PDZRN3: variants seen among roughly 807,000 people sequenced by gnomAD.
PDZRN3 encodes the protein E3 ubiquitin-protein ligase PDZRN3.
In PDZRN3, 38 loss-of-function variants were observed where a neutral mutation model predicts 85.7. The observed-to-expected ratio is 0.44, with a 90% CI of 0.34 to 0.58. PDZRN3 has a LOEUF of 0.58. Among genes scored for constraint, PDZRN3 ranks in the 20% least tolerant of loss-of-function variants. PDZRN3 has a pLI of 0.01. For synonymous variants in PDZRN3, 759 were observed against 638.0 expected (o/e 1.19, Z -2.86); for missense variants, 1,629 against 1,506.4 (o/e 1.08, Z -1.35).
intron 3 of PDZRN3, among the ~76,000 whole-genome samples, chr3:73,440,582 C>A (rs527460914): frequency 6.6e-6 from 1 of 152,194 alleles, no homozygotes; most frequent in African/African-American, 2.4e-5. Flanking sequence ...CCGACACTGG[C>A]GACAAATGGG....
At chr3:73,418,865 C>A (rs956406261) in intron 3 of PDZRN3, among the ~76,000 whole-genome samples, 9 of 152,182 alleles carry the variant, frequency 5.9e-5, no homozygotes, top group African/African-American at 2.2e-4. Context: ...GACAGAATAA[C>A]CCTGGGTATA....
chr3:73,474,576 T>A (rs1168207814), intron 3 of PDZRN3: 1 of 1,282,248 alleles, frequency 7.8e-7, no homozygotes, highest in South Asian at 1.3e-5. Flanking sequence ...AGCCTGCAGG[T>A]CCGCAGTTTC....
intron 2 of PDZRN3, among the ~76,000 whole-genome samples, chr3:73,606,451 C>T (rs1205283099): frequency 1.3e-5 from 2 of 152,104 alleles, no homozygotes; most frequent in African/African-American, 2.4e-5. Flanking sequence ...TCAGTCCCTC[C>T]GAAGGCTGGA....
intron 3 of PDZRN3, among the ~76,000 whole-genome samples, chr3:73,534,178 A>G (rs1704724769): frequency 6.6e-6 from 1 of 152,196 alleles, no homozygotes; most frequent in Non-Finnish European, 1.5e-5. Context: ...CACACCCACT[A>G]GAAGGTAAAT....
At chr3:73,511,472 T>G (rs1704163740) in intron 3 of PDZRN3, among the ~76,000 whole-genome samples, 1 of 152,212 alleles carries the variant, frequency 6.6e-6, no homozygotes. Flanking sequence ...CACATGTGGT[T>G]TTGCTTGTGC....
chr3:73,416,873 TTGG>T (rs1297200604), intron 3 of PDZRN3, among the ~76,000 whole-genome samples: 1,489 of 74,594 alleles, frequency 0.02, 24 homozygotes, highest in African/African-American at 0.068. Context: ...TTGTTTTTTT[TTGG>T]TTTTTTTTTT....
chr3:73,560,663 T>C (rs557952461), intron 3 of PDZRN3, among the ~76,000 whole-genome samples: 1 of 152,330 alleles, frequency 6.6e-6, no homozygotes, highest in South Asian at 2.1e-4. Context: ...CCCATATTCA[T>C]GGGATGGAAA....
intron 3 of PDZRN3, among the ~76,000 whole-genome samples, chr3:73,525,308 T>C (rs1016138426): frequency 2.0e-5 from 3 of 152,186 alleles, no homozygotes; most frequent in South Asian, 2.1e-4. Context: ...TGTGTGTATA[T>C]ATATGCAGAG....
At chr3:73,427,598 C>T (rs532968486) in intron 3 of PDZRN3, among the ~76,000 whole-genome samples, 1 of 152,330 alleles carries the variant, frequency 6.6e-6, no homozygotes, top group South Asian at 2.1e-4. Context: ...GCTGTCTTCT[C>T]CCTTGTGACC....
chr3:73,574,713 C>T (rs1466124886), intron 3 of PDZRN3, among the ~76,000 whole-genome samples: 5 of 152,232 alleles, frequency 3.3e-5, no homozygotes, highest in Non-Finnish European at 7.3e-5. Context: ...CCCGCCTTGG[C>T]CTCCCAAAGG....
At chr3:73,421,936 C>T (rs1009711333) in intron 3 of PDZRN3, among the ~76,000 whole-genome samples, 8 of 152,196 alleles carry the variant, frequency 5.3e-5, no homozygotes, top group African/African-American at 9.6e-5. Flanking sequence ...CGTGAGCCAC[C>T]GTGCCTGGTC....
At chr3:73,429,830 A>T (rs1702394409) in intron 3 of PDZRN3, among the ~76,000 whole-genome samples, 2 of 152,030 alleles carry the variant, frequency 1.3e-5, no homozygotes, top group Admixed American at 1.3e-4. Context: ...GCCAGTGGGA[A>T]CTCTGTGTTA....
chr3:73,593,603 T>A (rs538998907), intron 3 of PDZRN3, among the ~76,000 whole-genome samples: 64 of 152,206 alleles, frequency 4.2e-4, no homozygotes, highest in African/African-American at 1.5e-3. Context: ...GTTAAGTGAC[T>A]TTTAAAAGGA....
chr3:73,398,701 C>T (rs188151193), intron 5 of PDZRN3, among the ~76,000 whole-genome samples: 1 of 152,296 alleles, frequency 6.6e-6, no homozygotes. Context: ...TAGCTAATCT[C>T]CTTAGAGAAA....
chr3:73,395,950 C>T (rs888899653), intron 5 of PDZRN3, among the ~76,000 whole-genome samples: 1 of 152,180 alleles, frequency 6.6e-6, no homozygotes, highest in African/African-American at 2.4e-5. Context: ...GGGCCGGGTG[C>T]AGTGGCTCAT....
At chr3:73,613,638 GA>G (rs986563376) in intron 1 of PDZRN3, among the ~76,000 whole-genome samples, 1 of 152,082 alleles carries the variant, frequency 6.6e-6, no homozygotes, top group African/African-American at 2.4e-5. Context: ...AGCTTTCACA[GA>G]GTTGCCTTCT....
intron 3 of PDZRN3, among the ~76,000 whole-genome samples, chr3:73,561,199 G>A (rs1194811037): frequency 6.6e-6 from 1 of 152,234 alleles, no homozygotes; most frequent in Non-Finnish European, 1.5e-5. Flanking sequence ...GCTGCAAGCA[G>A]TATAACTGTT....
intron 3 of PDZRN3, among the ~76,000 whole-genome samples, chr3:73,492,074 A>T (rs753316776): frequency 2.0e-4 from 30 of 152,334 alleles, no homozygotes; most frequent in Non-Finnish European, 2.8e-4. Context: ...AAAGATTCTG[A>T]AAACTAGCAG....
intron 3 of PDZRN3, among the ~76,000 whole-genome samples, chr3:73,418,536 C>T (rs1702137594): frequency 6.6e-6 from 1 of 152,136 alleles, no homozygotes; most frequent in African/African-American, 2.4e-5. Flanking sequence ...CTGGTACTTA[C>T]ACCCTTCTGA....
Sources: allele counts gnomAD v4.1 joint callset (sites outside exome capture counted in the v4.1 genomes callset), GRCh38; gene constraint gnomAD v4.1.1; transcripts MANE v1.5; gene names NCBI Gene and HGNC (gene_info 2026-07-23, HGNC 2026-07-21).